SPTBN2: variants seen among roughly 807,000 people sequenced by gnomAD.
SPTBN2 encodes the protein spectrin beta, non-erythrocytic 2.
A neutral mutation model predicts 284.2 loss-of-function variants in SPTBN2; 107 were observed. The ratio of observed to expected loss-of-function variants is 0.38; its 90% CI spans 0.32 to 0.44. The LOEUF is 0.44. SPTBN2 is among the 20% of genes least tolerant of loss of function. The pLI is 1.00. For missense variants in SPTBN2, 2,569 were observed against 3,287.1 expected, an observed-to-expected ratio of 0.78 and a Z score of 5.34; for synonymous variants, 1,289 against 1,354.8, an observed-to-expected ratio of 0.95 and a Z score of 1.07.
In SPTBN2 at chr11:66,707,480, A is replaced by C; in HGVS notation, c.1653+36T>G. The C allele has an allele frequency of 1.3e-6, 2 of 1,567,548 alleles. No homozygotes were observed. Among genetic ancestry groups the C allele is most frequent in the Non-Finnish European group, 1.7e-6 (2 of 1,157,044 alleles). The stretch of plus-strand genomic sequence containing the variant: ...CACTGTGGGGCCCCCTCGACTCTTG[A>C]TCACTCTTACCCCACCCAGCACGCC... On this transcript the variant is annotated intron_variant, in intron 13 of 37. Transcript: ENST00000533211. The surrounding 1 kb of genome is among the most constrained non-coding windows in gnomAD (Gnocchi z 4.9).
chr11:66,686,271 G>A (rs769616053), intron 37 of SPTBN2, 127 bp downstream of exon 37: 76 of 1,432,418 alleles, frequency 5.3e-5, no homozygotes, highest in Non-Finnish European at 6.5e-5. Flanking sequence ...TGCGGCCGTC[G>A]CACACATCCA....
In SPTBN2 at chr11:66,688,213, C is replaced by T. The variant is rs2135309335; in HGVS notation, c.6330G>A (p.Gly2110=). ...APEPTASVPP[G]DLVGGQTASD... ...AAGCTGTCTGGCCGCCCACCAGGTC[C>T]CCTGGAGGCACACTGGCTGTGGGTT... Residue 2110 remains glycine (G), a synonymous_variant, in exon 32 of 38, where the codon GGG becomes GGA. Transcript: ENST00000533211. The T allele has an allele frequency of 6.2e-7, 1 of 1,613,710 alleles. No homozygotes were observed. Among genetic ancestry groups the T allele is most frequent in the Non-Finnish European group, 8.5e-7 (1 of 1,180,040 alleles).
chr11:66,688,523 G>C (rs1319080829), intron 31 of SPTBN2, 130 bp downstream of exon 31: 8 of 1,458,008 alleles, frequency 5.5e-6, no homozygotes, highest in Non-Finnish European at 7.4e-6. Flanking sequence ...TGGTGACAAT[G>C]GCACTCTCAG....
intron 21 of SPTBN2, 45 bp from the exon 22 acceptor site, chr11:66,694,408 C>G (rs1940781598): frequency 1.3e-6 from 2 of 1,585,758 alleles, no homozygotes; most frequent in East Asian, 4.6e-5. Flanking sequence ...TGCATTTCCG[C>G]CTTCATGCCC....
At position 66,715,878 on chromosome 11, in the gene SPTBN2, G is replaced by A. The variant is rs748129999; in HGVS notation, c.261C>T (p.Asp87=). The part of the protein sequence containing the change: ...RVGDLYSDLR[D]GRNLLRLLEV... Reference sequence around the variant, plus strand: ...CGAGGAGCCTCAGCAGGTTGCGTCCGTCCCGGAGGTCGCTGTACAGGTCCC... The same window carrying A: ...CGAGGAGCCTCAGCAGGTTGCGTCCATCCCGGAGGTCGCTGTACAGGTCCC... Residue 87 remains aspartate (D), a synonymous_variant, in exon 4 of 38, where the codon GAC becomes GAT. Transcript: ENST00000533211. This position sits in a 1 kb window ranked among gnomAD's most constrained non-coding sequence, Gnocchi z 5.3. 25 of 1,613,880 alleles carry A rather than the reference G, an allele frequency of 1.5e-5. No homozygotes were observed. The highest frequency in any genetic ancestry group is 7.7e-5 in the South Asian group (7 of 91,054).
Position 66,707,887 on chromosome 11 carries a change from G to A in SPTBN2, c.1351-69C>T, listed in dbSNP as rs991847691. 4.2e-5 allele frequency: 66 copies of A among 1,569,664 alleles called. No homozygotes were observed. The East Asian group carries it at 1.4e-3, about 34-fold the overall frequency. On this transcript the variant is annotated intron_variant, in intron 12 of 37. Coordinates refer to ENST00000533211, the MANE Select transcript of SPTBN2 (RefSeq NM_006946.4). The surrounding 1 kb of genome is among the most constrained non-coding windows in gnomAD (Gnocchi z 4.9). ...GTGCCTCTGCCTGCTCCTCTGTCCT[G>A]CAGGGCACTTGGCCTGCAAGATCCC...
At chr11:66,734,401 G>A (rs985846695) in intron 1 of SPTBN2, among the ~76,000 whole-genome samples, 3 of 152,086 alleles carry the variant, frequency 2.0e-5, no homozygotes, top group Admixed American at 1.3e-4. Context: ...TGCACACCCT[G>A]CTTACCTCTC....
In SPTBN2 at chr11:66,700,447, G is replaced by C; in HGVS notation, c.3573+79C>G. The C allele has an allele frequency of 6.3e-7, 1 of 1,585,168 alleles. No homozygotes were observed. The highest frequency in any genetic ancestry group is 8.5e-7 in the Non-Finnish European group (1 of 1,169,718). ...CCCATTTTGCTAGCATGTCCTTCCT[G>C]CCCATCCTGCTCCTTCACATTTCCC... is the stretch of plus-strand genomic sequence containing the variant. On this transcript the variant is annotated intron_variant, in intron 17 of 37. Transcript: ENST00000533211. This position sits in a 1 kb window ranked among gnomAD's most constrained non-coding sequence, Gnocchi z 6.6.
chr11:66,743,646 C>A (rs1942921283), intron 1 of SPTBN2, among the ~76,000 whole-genome samples: 1 of 152,182 alleles, frequency 6.6e-6, no homozygotes, highest in African/African-American at 2.4e-5. Context: ...CTTATTCCAG[C>A]CAGGAATGCA....
At position 66,704,830 on chromosome 11, in the gene SPTBN2, T is replaced by TG. The variant is rs1273439220; in HGVS notation, c.2445dup (p.Thr816HisfsTer67). The TG allele has an allele frequency of 6.2e-7, 1 of 1,607,514 alleles. No individual in the cohort carries two copies. The highest frequency in any genetic ancestry group is 8.5e-7 in the Non-Finnish European group (1 of 1,179,434). On this transcript the variant is annotated frameshift_variant, in exon 15 of 38. Coordinates refer to ENST00000533211, the MANE Select transcript of SPTBN2 (RefSeq NM_006946.4). LOFTEE classifies it high-confidence loss of function. ...TGCACCTCGGGCGTGCGGCTCAGTG[T>TG]GGGGGGCAGGGCTGCTGCCTGTTCC...
In SPTBN2 at chr11:66,691,271, G is replaced by A. The variant is rs1227270909; in HGVS notation, c.5565+13C>T. ...CTCTAAGCCTCCCCCACCTCCTCAT[G>A]CTTGGGTCAGACCTGGGGGCTGAGG... On this transcript the variant is annotated intron_variant, in intron 27 of 37. Transcript: ENST00000533211. The surrounding 1 kb of genome is among the most constrained non-coding windows in gnomAD (Gnocchi z 8.0). The A allele has an allele frequency of 6.6e-7, 1 of 1,516,674 alleles. No homozygotes were observed. Among genetic ancestry groups the A allele is most frequent in the South Asian group, 1.3e-5 (1 of 75,698 alleles). 94.0% of individuals were successfully genotyped at this position (1,516,674 alleles called of 1,614,324 possible).
Position 66,694,343 on chromosome 11 carries a change from A to C in SPTBN2, c.4299T>G (p.Ala1433=), listed in dbSNP as rs1400879217. Residue 1433 remains alanine (A), a synonymous_variant, in exon 22 of 38, where the codon GCT becomes GCG. Coordinates refer to ENST00000533211, the MANE Select transcript of SPTBN2 (RefSeq NM_006946.4). ...TTGCCTCCACCTCCTTCTCTCTCACAGCCATCTCCCATTCCAGCATCTGCA... is the reference window on the plus strand; with the variant it reads ...TTGCCTCCACCTCCTTCTCTCTCACCGCCATCTCCCATTCCAGCATCTGCA... ...KKQQMLEWEM[A]VREKEVEAIQ... 1.8e-5 allele frequency: 29 copies of C among 1,614,058 alleles called. No individual in the cohort carries two copies. The highest frequency in any genetic ancestry group is 2.5e-5 in the Non-Finnish European group (29 of 1,179,970).
At position 66,708,905 on chromosome 11, in the gene SPTBN2, G is replaced by C; in HGVS notation, c.1188C>G (p.Asn396Lys). Residue 396 changes from asparagine to lysine, a missense_variant, in exon 11 of 38, where the codon AAC becomes AAG. This residue lies in a region of SPTBN2 where 304 missense variants were observed against 522.1 expected (regional missense o/e 0.58). Transcript: ENST00000533211. The surrounding 1 kb of genome is among the most constrained non-coding windows in gnomAD (Gnocchi z 4.4). ...TGGCCTGTGGGCAGCCACGGACCTT[G>C]TTGATGTCCGAGATGAGCCGGCCCT... ...PREGRLISDI[N>K]KAWERLEKAE... The C allele has an allele frequency of 6.2e-7, 1 of 1,613,492 alleles. No individual in the cohort carries two copies.
At chr11:66,703,200 C>T (rs1941342292) in intron 15 of SPTBN2, among the ~76,000 whole-genome samples, 1 of 151,792 alleles carries the variant, frequency 6.6e-6, no homozygotes. Context: ...CTGCCTCAGC[C>T]TCCCCAGTAG....
Position 66,696,276 on chromosome 11 carries a change from C to A in SPTBN2, c.4278+1G>T. On this transcript the variant is annotated splice_donor_variant, in intron 21 of 37. Transcript: ENST00000533211. LOFTEE classifies it high-confidence loss of function. The stretch of plus-strand genomic sequence containing the variant: ...ATCCCCATCAAAGGCCCACAGCACA[C>A]CTGCTGCTTCTTGAGCAGGATGTTG... 1 of 1,611,128 alleles carries A rather than the reference C, an allele frequency of 6.2e-7. No homozygotes were observed. Among genetic ancestry groups the A allele is most frequent in the Non-Finnish European group, 8.5e-7 (1 of 1,180,002 alleles).
intron 1 of SPTBN2, chr11:66,744,471 T>A: frequency 5.9e-6 from 1 of 169,016 alleles, no homozygotes; most frequent in Non-Finnish European, 1.3e-5. Context: ...AAGGGCCGCA[T>A]CTCGCCGCCA....
Position 66,715,505 on chromosome 11 carries a change from A to G in SPTBN2, c.310-110T>C. On this transcript the variant is annotated intron_variant, in intron 4 of 37. Transcript: ENST00000533211. The surrounding 1 kb of genome is among the most constrained non-coding windows in gnomAD (Gnocchi z 5.3). The stretch of plus-strand genomic sequence containing the variant: ...CTTCCCCATGACCTACCTCAGGAAC[A>G]CAGACAGGCACAGCCCCAGGGCTGG... 1 of 1,379,644 alleles carries G rather than the reference A, an allele frequency of 7.2e-7. No homozygotes were observed. Among genetic ancestry groups the G allele is most frequent in the Non-Finnish European group, 9.8e-7 (1 of 1,016,858 alleles). The allele number at this position is 1,379,644 out of a possible 1,614,324, so 85.5% of individuals were successfully genotyped here. A position where few individuals can be genotyped will look rare whatever the true frequency, so the allele number is the denominator to read the frequency against.
Position 66,700,133 on chromosome 11 carries a change from T to C in SPTBN2, c.3573+393A>G, listed in dbSNP as rs1453983816. ...ACCATGTCCAGTTAATTTTTTTTTT[T>C]CATAGAGATGGGGGTCTCACTATGT... On this transcript the variant is annotated intron_variant, in intron 17 of 37. Transcript: ENST00000533211. This position sits in a 1 kb window ranked among gnomAD's most constrained non-coding sequence, Gnocchi z 6.6. 1.3e-5 allele frequency among the ~76,000 whole-genome samples: 2 copies of C among 151,820 alleles called. No homozygotes were observed. The highest frequency in any genetic ancestry group is 2.4e-5 in the African/African-American group (1 of 41,300).
At chr11:66,731,290 T>C (rs143043604), upstream of SPTBN2, among the ~76,000 whole-genome samples, 5 of 152,354 alleles carry the variant, frequency 3.3e-5, no homozygotes, top group East Asian at 9.6e-4. Context: ...CTTTGGAAAC[T>C]TGTTATTTTG....
Sources: gnomAD v4.1 joint callset for allele counts (sites outside exome capture counted in the v4.1 genomes callset) on GRCh38, gnomAD v4.1.1 for gene constraint, gnomAD v4.1.1 regional missense constraint, Gnocchi (gnomAD v3.1) non-coding constraint, MANE v1.5 for transcripts, NCBI Gene and HGNC (gene_info 2026-07-23, HGNC 2026-07-21) for gene names.